SNUPN: variants seen among roughly 807,000 people sequenced by gnomAD.
SNUPN encodes the protein snurportin-1.
SNUPN carries 31 observed loss-of-function variants against 39.2 expected under a neutral mutation model. The observed-to-expected ratio is 0.79, with a 90% CI of 0.59 to 1.07. The LOEUF is 1.07. Among genes scored for constraint, SNUPN ranks in the 50% least tolerant of loss-of-function variants. SNUPN has a pLI of 0.00. For missense variants in SNUPN, 382 were observed against 434.2 expected, an observed-to-expected ratio of 0.88 and a Z score of 1.07; for synonymous variants, 132 against 159.0, an observed-to-expected ratio of 0.83 and a Z score of 1.28.
At position 75,598,294 on chromosome 15, in the gene SNUPN, T is replaced by C; in HGVS notation, c.*64A>G. On this transcript the variant is annotated 3_prime_UTR_variant, in exon 9 of 9. Coordinates refer to ENST00000308588, the MANE Select transcript of SNUPN (RefSeq NM_005701.4). ...ATGAAGTCACCTGTTGTCACTGTCC[T>C]CCTCTCCAGGATTCCTTTTGGGGCC... 1.5e-6 allele frequency: 2 copies of C among 1,348,408 alleles called. No individual in the cohort carries two copies. The highest frequency in any genetic ancestry group is 2.1e-6 in the Non-Finnish European group (2 of 975,548). 83.5% of individuals were successfully genotyped at this position (1,348,408 alleles called of 1,614,324 possible).
intron 1 of SNUPN, chr15:75,625,243 C>G (rs1367998057): frequency 6.8e-6 from 1 of 146,052 alleles, no homozygotes; most frequent in African/African-American, 2.6e-5. Flanking sequence ...GCCCCCTCCC[C>G]CATCCCCTTC....
intron 3 of SNUPN, 146 bp from the exon 4 acceptor site, chr15:75,610,140 G>A (rs541630620): frequency 1.5e-6 from 1 of 659,890 alleles, no homozygotes; most frequent in Admixed American, 2.2e-5. Flanking sequence ...GCTCATGCTT[G>A]TAATCCCAGC....
intron 6 of SNUPN, 122 bp from the exon 7 acceptor site, chr15:75,605,349 C>T: frequency 1.7e-6 from 1 of 580,590 alleles, no homozygotes; most frequent in Non-Finnish European, 3.0e-6. Flanking sequence ...CTCTGTCACC[C>T]AGGCTGGAGT....
intron 7 of SNUPN, among the ~76,000 whole-genome samples, chr15:75,602,323 C>T (rs1295809682): frequency 2.0e-5 from 3 of 152,044 alleles, no homozygotes; most frequent in African/African-American, 2.4e-5. Context: ...GTCAGGAGTT[C>T]GAGACCAGTC....
chr15:75,609,558 C>A lies in SNUPN; in HGVS notation c.502G>T (p.Asp168Tyr). The A allele has an allele frequency of 1.2e-6, 2 of 1,611,428 alleles. No individual in the cohort carries two copies. Among genetic ancestry groups the A allele is most frequent in the Non-Finnish European group, 1.7e-6 (2 of 1,177,518 alleles). Residue 168 changes from aspartate to tyrosine, a missense_variant and splice_region_variant, in exon 5 of 9, where the codon GAC becomes TAC. Physicochemically the swap from Asp to Tyr is radical, Grantham distance 160. Coordinates refer to ENST00000308588, the MANE Select transcript of SNUPN (RefSeq NM_005701.4). Reference sequence around the variant, plus strand: ...ATAAGTAGACACTCTATGTAGGTACCTTTTGCTGTTGAGTTTCGCCTGTTG... The same window carrying A: ...ATAAGTAGACACTCTATGTAGGTACATTTTGCTGTTGAGTTTCGCCTGTTG... Reference protein sequence around the residue: ...GGNRRNSTAKDYTILDCIYNE... With the variant: ...GGNRRNSTAKYYTILDCIYNE...
chr15:75,615,966 G>C (rs1304699112), intron 3 of SNUPN, among the ~76,000 whole-genome samples: 1 of 151,944 alleles, frequency 6.6e-6, no homozygotes, highest in African/African-American at 2.4e-5. Context: ...GAGCACAGGG[G>C]CTATTTCTGC....
At chr15:75,617,305 G>T in intron 3 of SNUPN, 103 bp downstream of exon 3, 1 of 1,247,430 alleles carries the variant, frequency 8.0e-7, no homozygotes, top group Non-Finnish European at 1.1e-6. Flanking sequence ...CCTTTTTCCT[G>T]CCTCATTCTC....
At chr15:75,604,043 G>C (rs535020945) in intron 7 of SNUPN, among the ~76,000 whole-genome samples, 3 of 151,988 alleles carry the variant, frequency 2.0e-5, no homozygotes. Flanking sequence ...GTCTTAGAGA[G>C]AGCAGTCTTC....
At chr15:75,613,393 C>T (rs1440282695) in intron 3 of SNUPN, among the ~76,000 whole-genome samples, 1 of 151,526 alleles carries the variant, frequency 6.6e-6, no homozygotes, top group East Asian at 1.9e-4. Context: ...ACCTGTAATC[C>T]CAGCACTTTG....
chr15:75,602,148 C>A (rs2141360973), intron 7 of SNUPN, among the ~76,000 whole-genome samples: 1 of 152,298 alleles, frequency 6.6e-6, no homozygotes, highest in Non-Finnish European at 1.5e-5. Context: ...GCGGAGCTTG[C>A]AGTGGGCCGA....
chr15:75,598,299 T>G lies in SNUPN; in HGVS notation c.*59A>C. The G allele has an allele frequency of 7.1e-7, 1 of 1,411,902 alleles. No homozygotes were observed. The highest frequency in any genetic ancestry group is 9.7e-7 in the Non-Finnish European group (1 of 1,028,056). The allele number at this position is 1,411,902 out of a possible 1,614,324, so 87.5% of individuals were successfully genotyped here. On this transcript the variant is annotated 3_prime_UTR_variant, in exon 9 of 9. Transcript: ENST00000308588. ...GTCACCTGTTGTCACTGTCCTCCTC[T>G]CCAGGATTCCTTTTGGGGCCAGGTA...
At chr15:75,620,297 C>A (rs974322453) in intron 2 of SNUPN, among the ~76,000 whole-genome samples, 2 of 152,094 alleles carry the variant, frequency 1.3e-5, no homozygotes, top group African/African-American at 2.4e-5. Flanking sequence ...CCAGAAGAGG[C>A]CCATGCTGCA....
In SNUPN at chr15:75,603,768, C is replaced by T. The variant is rs529041971; in HGVS notation, c.678+1382G>A. ...GTGGTTGTGTGTTATTCTCTTGGCC[C>T]CATGACAGCTACCACTAATAAAGGG... On this transcript the variant is annotated intron_variant, in intron 7 of 8. Transcript: ENST00000308588. Among the ~76,000 whole-genome samples the T allele has an allele frequency of 2.0e-5, 3 of 152,156 alleles. No homozygotes were observed. The East Asian group carries it at 5.8e-4, about 29-fold the overall frequency.
intron 3 of SNUPN, among the ~76,000 whole-genome samples, chr15:75,617,023 A>G (rs1397764660): frequency 1.3e-5 from 2 of 152,232 alleles, no homozygotes; most frequent in Admixed American, 1.3e-4. Flanking sequence ...GGAAGGAGTC[A>G]GTGGTAGGCT....
chr15:75,604,301 C>T (rs1432364968), intron 7 of SNUPN, among the ~76,000 whole-genome samples: 2 of 151,870 alleles, frequency 1.3e-5, no homozygotes, highest in East Asian at 3.9e-4. Context: ...GCTGGGATTA[C>T]AGGCGTGCAC....
intron 2 of SNUPN, among the ~76,000 whole-genome samples, chr15:75,620,356 C>A (rs914147162): frequency 1.3e-5 from 2 of 152,142 alleles, no homozygotes; most frequent in African/African-American, 4.8e-5. Context: ...CAGCCTCAAA[C>A]ACTCTTATCC....
intron 6 of SNUPN, among the ~76,000 whole-genome samples, chr15:75,606,536 C>T (rs191411934): frequency 5.1e-4 from 78 of 152,096 alleles, no homozygotes; most frequent in East Asian, 3.9e-4. Flanking sequence ...GGGACAATGA[C>T]GGGGAGAGTG....
chr15:75,601,539 C>A (rs141665383), intron 7 of SNUPN, among the ~76,000 whole-genome samples: 1 of 152,250 alleles, frequency 6.6e-6, no homozygotes, highest in Non-Finnish European at 1.5e-5. Flanking sequence ...CATGCCACTG[C>A]ACTCCAGACT....
chr15:75,599,201 T>G (rs1183105758), intron 8 of SNUPN, among the ~76,000 whole-genome samples: 1 of 151,692 alleles, frequency 6.6e-6, no homozygotes, highest in Non-Finnish European at 1.5e-5. Context: ...AGGATAAACA[T>G]AAATAGCACT....
Sources: gnomAD v4.1 joint callset for allele counts (sites outside exome capture counted in the v4.1 genomes callset) on GRCh38, gnomAD v4.1.1 for gene constraint, MANE v1.5 for transcripts, NCBI Gene and HGNC (gene_info 2026-07-23, HGNC 2026-07-21) for gene names.